Variants in PDGFRL observed in about 807,000 individuals in gnomAD.
PDGFRL encodes platelet-derived growth factor receptor-like protein.
PDGFRL carries 46 observed loss-of-function variants against 37.2 expected under a neutral mutation model. That is an observed-to-expected ratio of 1.24 (90% CI 0.98 to 1.58). PDGFRL has a LOEUF of 1.58. PDGFRL is among the 40% of genes most tolerant of loss of function. PDGFRL has a pLI of 0.00. For synonymous variants in PDGFRL, 251 were observed against 184.3 expected (o/e 1.36, Z -2.93); for missense variants, 692 against 467.6 (o/e 1.48, Z -4.43).
chr8:17,630,273 A>T (rs753371674), intron 4 of PDGFRL, among the ~76,000 whole-genome samples: 1 of 152,228 alleles, frequency 6.6e-6, no homozygotes. Context: ...CTGAAACATG[A>T]TCAGTCTCTC....
chr8:17,638,050 G>C (rs950867318), intron 5 of PDGFRL, among the ~76,000 whole-genome samples: 1 of 152,028 alleles, frequency 6.6e-6, no homozygotes, highest in Non-Finnish European at 1.5e-5. Context: ...ATTTCATTCA[G>C]TTCTGCTCAG....
intron 2 of PDGFRL, among the ~76,000 whole-genome samples, chr8:17,614,900 C>T (rs948697481): frequency 1.3e-5 from 2 of 152,178 alleles, no homozygotes; most frequent in African/African-American, 4.8e-5. Context: ...TCCAACACTT[C>T]CTGTGTAGCC....
chr8:17,622,859 T>G (rs1804660300), intron 3 of PDGFRL, among the ~76,000 whole-genome samples: 1 of 152,164 alleles, frequency 6.6e-6, no homozygotes. Context: ...ATCCTTTCAG[T>G]GTACCTGCAG....
chr8:17,598,799 C>T (rs556654002), intron 2 of PDGFRL, among the ~76,000 whole-genome samples: 1 of 152,112 alleles, frequency 6.6e-6, no homozygotes, highest in Non-Finnish European at 1.5e-5. Context: ...TTCCCCCATA[C>T]TGTTCTCATG....
At chr8:17,594,281 C>T (rs1804004746) in intron 2 of PDGFRL, among the ~76,000 whole-genome samples, 1 of 152,130 alleles carries the variant, frequency 6.6e-6, no homozygotes, top group Non-Finnish European at 1.5e-5. Flanking sequence ...TGCTCTGTCA[C>T]CCAGGCTGGA....
At chr8:17,578,085 A>G (rs1803627098) in intron 1 of PDGFRL, among the ~76,000 whole-genome samples, 1 of 151,460 alleles carries the variant, frequency 6.6e-6, no homozygotes, top group Admixed American at 6.6e-5. Context: ...TGTGGTGTGT[A>G]TTATATATTA....
intron 2 of PDGFRL, among the ~76,000 whole-genome samples, chr8:17,606,216 C>T (rs1004411648): frequency 2.0e-5 from 3 of 151,866 alleles, no homozygotes; most frequent in African/African-American, 7.3e-5. Context: ...TTCGAAAATA[C>T]ACAGAACGTA....
At chr8:17,610,919 A>G (rs1287732487) in intron 2 of PDGFRL, among the ~76,000 whole-genome samples, 1 of 146,546 alleles carries the variant, frequency 6.8e-6, no homozygotes, top group East Asian at 2.1e-4. Context: ...AAAAAAAATT[A>G]CACGAGAATT....
In PDGFRL at chr8:17,615,634, G is replaced by A. The variant is rs563040042; in HGVS notation, c.354-5417G>A. ...AATGACAATTTCTAAAGTGTTTCGAGTCTGGGTGTGGTGGCTCATGCCTGT... is the reference window on the plus strand; with the variant it reads ...AATGACAATTTCTAAAGTGTTTCGAATCTGGGTGTGGTGGCTCATGCCTGT... On this transcript the variant is annotated intron_variant, in intron 2 of 5. Transcript: ENST00000251630. 2.0e-5 allele frequency among the ~76,000 whole-genome samples: 3 copies of A among 152,294 alleles called. No individual in the cohort carries two copies. In the South Asian group the frequency reaches 6.2e-4, roughly 32 times the overall value.
At chr8:17,582,993 G>A (rs1803740152) in intron 1 of PDGFRL, among the ~76,000 whole-genome samples, 1 of 152,152 alleles carries the variant, frequency 6.6e-6, no homozygotes, top group Admixed American at 6.5e-5. Flanking sequence ...TGTGGTTCCA[G>A]ATGGGCGAAT....
chr8:17,587,968 G>T (rs558476436), intron 1 of PDGFRL, among the ~76,000 whole-genome samples: 2 of 151,878 alleles, frequency 1.3e-5, no homozygotes, highest in South Asian at 4.1e-4. Flanking sequence ...GGACACAACT[G>T]TGTGGCTGCA....
At chr8:17,599,530 A>C (rs754906707) in intron 2 of PDGFRL, among the ~76,000 whole-genome samples, 34 of 152,030 alleles carry the variant, frequency 2.2e-4, no homozygotes, top group Non-Finnish European at 3.8e-4. Context: ...GAAACTTGCG[A>C]CCCTAAATGA....
Position 17,621,070 on chromosome 8 carries a change from T to C in PDGFRL, c.373T>C (p.Tyr125His), listed in dbSNP as rs1399981665. The change falls in exon 3 of 6, where the codon TAC (tyrosine) becomes CAC (histidine). Residue 125 changes from tyrosine (Y) to histidine (H), a missense_variant. Coordinates refer to ENST00000251630, the MANE Select transcript of PDGFRL (RefSeq NM_001372073.1). ...TCCTAGCGTCAAGCAGAATGAGCGC[T>C]ACGGCCAGTTGACTCTGGTCAACTC... ...SRLSVKQNER[Y>H]GQLTLVNSTS... 1 of 1,608,992 alleles carries C rather than the reference T, an allele frequency of 6.2e-7. No homozygotes were observed. Among genetic ancestry groups the C allele is most frequent in the African/African-American group, 1.3e-5 (1 of 74,754 alleles).
intron 2 of PDGFRL, among the ~76,000 whole-genome samples, chr8:17,617,140 C>T (rs555115712): frequency 9.9e-5 from 15 of 152,252 alleles, no homozygotes; most frequent in East Asian, 3.9e-4. Flanking sequence ...TACACATACA[C>T]GGGGTCTTAA....
chr8:17,611,208 T>C (rs2129718212), intron 2 of PDGFRL, among the ~76,000 whole-genome samples: 1 of 152,316 alleles, frequency 6.6e-6, no homozygotes. Context: ...TCCAACCAGA[T>C]GATCTTTAAG....
At chr8:17,619,548 G>T (rs904606247) in intron 2 of PDGFRL, among the ~76,000 whole-genome samples, 2 of 152,182 alleles carry the variant, frequency 1.3e-5, no homozygotes, top group Admixed American at 6.5e-5. Flanking sequence ...TTAGAAGTGG[G>T]CTGTATGCAT....
chr8:17,606,355 C>T (rs1006398599), intron 2 of PDGFRL, among the ~76,000 whole-genome samples: 2 of 152,080 alleles, frequency 1.3e-5, no homozygotes, highest in African/African-American at 4.8e-5. Flanking sequence ...ATTTTCTGAG[C>T]AGAACAAATG....
intron 2 of PDGFRL, among the ~76,000 whole-genome samples, chr8:17,609,043 A>AC (rs1474193945): frequency 6.6e-6 from 1 of 152,116 alleles, no homozygotes; most frequent in East Asian, 1.9e-4. Context: ...AAATAGTGAG[A>AC]CCCCATCTCT....
chr8:17,640,472 C>T (rs1040661903), intron 5 of PDGFRL, among the ~76,000 whole-genome samples: 2 of 152,160 alleles, frequency 1.3e-5, no homozygotes, highest in Non-Finnish European at 2.9e-5. Context: ...ATGGGGTGCT[C>T]TCTTGATACA....
Sources: allele counts gnomAD v4.1 joint callset (sites outside exome capture counted in the v4.1 genomes callset), GRCh38; gene constraint gnomAD v4.1.1; transcripts MANE v1.5; gene names NCBI Gene and HGNC (gene_info 2026-07-23, HGNC 2026-07-21).